The following PDE3B variants were observed in gnomAD, a reference collection of about 807,000 sequenced individuals.
PDE3B encodes phosphodiesterase 3B.
PDE3B carries 66 observed loss-of-function variants against 116.8 expected under a neutral mutation model. The ratio of observed to expected loss-of-function variants is 0.56; its 90% CI spans 0.46 to 0.69. The LOEUF (loss-of-function observed/expected upper bound fraction) is 0.69. PDE3B is among the 30% of genes least tolerant of loss of function. The pLI, the probability that PDE3B is intolerant of heterozygous loss-of-function variation, is 0.00. For missense variants in PDE3B, 1,384 were observed against 1,368.1 expected (o/e 1.01, Z -0.18); for synonymous variants, 595 against 533.6 (o/e 1.12, Z -1.59).
intron 7 of PDE3B, among the ~76,000 whole-genome samples, chr11:14,821,417 T>C (rs1015320015): frequency 2.6e-5 from 4 of 152,214 alleles, no homozygotes; most frequent in African/African-American, 7.2e-5. Context: ...GGACAAGAGA[T>C]AGTGTTGTAG....
chr11:14,886,870 A>T, the PDE3B span: 1 of 152,300 alleles, frequency 6.6e-6, no homozygotes, highest in Non-Finnish European at 1.5e-5. Context: ...GCAGAAAGTT[A>T]TATCAGCAAA....
intron 4 of PDE3B, among the ~76,000 whole-genome samples, chr11:14,803,636 C>A (rs917961772): frequency 6.6e-6 from 1 of 152,168 alleles, no homozygotes; most frequent in African/African-American, 2.4e-5. Context: ...TGGTCTATAA[C>A]CTGTTTTTTT....
chr11:14,841,914 A>G (rs1307999626), intron 11 of PDE3B, among the ~76,000 whole-genome samples: 1 of 150,470 alleles, frequency 6.6e-6, no homozygotes, highest in Non-Finnish European at 1.5e-5. Flanking sequence ...TTTGCTCAAG[A>G]TTGCTTTGGC....
chr11:14,725,373 T>A lies in PDE3B; in HGVS notation c.979-46564T>A, dbSNP rs1856269754. Among the ~76,000 whole-genome samples the A allele has an allele frequency of 2.7e-5, 4 of 150,638 alleles. No homozygotes were observed. The South Asian group carries it at 8.4e-4, about 32-fold the overall frequency. ...TCTTCTTTCTCCTCTCTCTTTCTCC[T>A]TTCTTCCTTCCTTCCTTCCTTGCTT... On this transcript the variant is annotated intron_variant, in intron 1 of 15. Coordinates refer to ENST00000282096, the MANE Select transcript of PDE3B (RefSeq NM_000922.4).
At chr11:14,744,989 T>G (rs1856871692) in intron 1 of PDE3B, among the ~76,000 whole-genome samples, 3 of 152,194 alleles carry the variant, frequency 2.0e-5, no homozygotes. Context: ...GCTTTTTTGT[T>G]TTTTTGTTTT....
chr11:14,736,065 A>G (rs559006842), intron 1 of PDE3B, among the ~76,000 whole-genome samples: 1 of 151,888 alleles, frequency 6.6e-6, no homozygotes, highest in East Asian at 1.9e-4. Flanking sequence ...ATCTAGTTTT[A>G]CCTGTGCTCT....
At chr11:14,796,884 A>T (rs1233895615) in intron 4 of PDE3B, among the ~76,000 whole-genome samples, 1 of 152,148 alleles carries the variant, frequency 6.6e-6, no homozygotes, top group Non-Finnish European at 1.5e-5. Context: ...CGCATTGGTC[A>T]ATGTTGCCTT....
intron 1 of PDE3B, among the ~76,000 whole-genome samples, chr11:14,663,152 T>C (rs1217970267): frequency 6.6e-6 from 1 of 152,104 alleles, no homozygotes; most frequent in Non-Finnish European, 1.5e-5. Context: ...GGGGCCAATA[T>C]TCAACATTCT....
At chr11:14,689,353 A>G (rs1186377935) in intron 1 of PDE3B, among the ~76,000 whole-genome samples, 1 of 152,100 alleles carries the variant, frequency 6.6e-6, no homozygotes. Flanking sequence ...TTGGAAAGAG[A>G]GAATAAGGCT....
At chr11:14,814,926 C>T (rs761201795) in intron 5 of PDE3B, among the ~76,000 whole-genome samples, 9 of 151,024 alleles carry the variant, frequency 6.0e-5, no homozygotes, top group African/African-American at 1.2e-4. Flanking sequence ...TCTGAGATCA[C>T]GCCACTGTAC....
intron 1 of PDE3B, among the ~76,000 whole-genome samples, chr11:14,763,753 A>C (rs1157950933): frequency 6.6e-6 from 1 of 152,150 alleles, no homozygotes; most frequent in Non-Finnish European, 1.5e-5. Context: ...TGATGATTTG[A>C]TAAATAAAAA....
intron 1 of PDE3B, among the ~76,000 whole-genome samples, chr11:14,727,861 T>TA (rs59446940): frequency 0.35 from 53,659 of 151,840 alleles, 10,888 homozygotes; most frequent in South Asian, 0.46. Flanking sequence ...TTACAAACCT[T>TA]ACAAGGCTTA....
chr11:14,879,659 A>T, the PDE3B span, among the ~76,000 whole-genome samples: 1 of 151,986 alleles, frequency 6.6e-6, no homozygotes, highest in African/African-American at 2.4e-5. Context: ...ATAACAAGCC[A>T]ATAGGATATA....
chr11:14,721,341 A>T (rs367927304), intron 1 of PDE3B, among the ~76,000 whole-genome samples: 48 of 151,908 alleles, frequency 3.2e-4, no homozygotes, highest in East Asian at 1.4e-3. Context: ...GTAAACTAGT[A>T]CAACCATTGT....
At chr11:14,696,826 A>G (rs527669393) in intron 1 of PDE3B, among the ~76,000 whole-genome samples, 1 of 152,138 alleles carries the variant, frequency 6.6e-6, no homozygotes, top group East Asian at 1.9e-4. Context: ...AGTCCAACTT[A>G]TTTTTTTCTT....
At position 14,644,308 on chromosome 11, in the gene PDE3B, C is replaced by T. The variant is rs1220576478; in HGVS notation, c.233C>T (p.Ala78Val). The T allele has an allele frequency of 1.3e-6, 2 of 1,564,002 alleles. No individual in the cohort carries two copies. Among genetic ancestry groups the T allele is most frequent in the East Asian group, 4.8e-5 (2 of 41,656 alleles). Residue 78 changes from alanine to valine, a missense_variant, in exon 1 of 16, where the codon GCG becomes GTG. Physicochemically the swap from Ala to Val is moderately conservative, Grantham distance 64 (BLOSUM62 0). Coordinates refer to ENST00000282096, the MANE Select transcript of PDE3B (RefSeq NM_000922.4). ...QPRRCSPFCR[A>V]RLSLGALAAF... The stretch of plus-strand genomic sequence containing the variant: ...CGGCGCTGCTCCCCCTTCTGCCGGG[C>T]GCGCCTCTCGCTGGGCGCCCTGGCT...
chr11:14,656,706 G>C (rs761193201), intron 1 of PDE3B, among the ~76,000 whole-genome samples: 1 of 152,218 alleles, frequency 6.6e-6, no homozygotes, highest in Non-Finnish European at 1.5e-5. Context: ...TTAATAACCT[G>C]TAAGTTCTTG....
chr11:14,725,260 T>G (rs973010373), intron 1 of PDE3B, among the ~76,000 whole-genome samples: 3 of 146,402 alleles, frequency 2.0e-5, no homozygotes, highest in Non-Finnish European at 4.4e-5. Flanking sequence ...TCTTTCGTTC[T>G]TTCTTTCTCT....
chr11:14,819,888 A>T (rs534943704), intron 7 of PDE3B, among the ~76,000 whole-genome samples: 1 of 152,292 alleles, frequency 6.6e-6, no homozygotes, highest in African/African-American at 2.4e-5. Context: ...TTCCACAGAG[A>T]CCAATGACTG....
Sources: gnomAD v4.1 joint callset for allele counts (sites outside exome capture counted in the v4.1 genomes callset) on GRCh38, gnomAD v4.1.1 for gene constraint, MANE v1.5 for transcripts, NCBI Gene and HGNC (gene_info 2026-07-23, HGNC 2026-07-21) for gene names.